Variants in C11orf24 observed in about 807,000 individuals in gnomAD.
The protein encoded by C11orf24 is uncharacterized protein C11orf24.
Under a neutral mutation model 7.3 loss-of-function variants are expected in C11orf24, and 5 were observed. That is an observed-to-expected ratio of 0.69 (90% CI 0.36 to 1.45). C11orf24 has a LOEUF of 1.45. C11orf24 is among the 40% of genes most tolerant of loss of function. C11orf24 has a pLI of 0.03. For synonymous variants in C11orf24, 233 were observed against 235.7 expected, an observed-to-expected ratio of 0.99 and a Z score of 0.11; for missense variants, 566 against 590.5, an observed-to-expected ratio of 0.96 and a Z score of 0.43.
chr11:68,266,160 G>C (rs1304293712), intron 2 of C11orf24, among the ~76,000 whole-genome samples: 1 of 152,230 alleles, frequency 6.6e-6, no homozygotes, highest in Non-Finnish European at 1.5e-5. Flanking sequence ...CACTAACCAA[G>C]TGACATGTGC....
At chr11:68,269,679 G>A (rs2098566930) in intron 1 of C11orf24, among the ~76,000 whole-genome samples, 2 of 151,842 alleles carry the variant, frequency 1.3e-5, no homozygotes, top group East Asian at 1.9e-4. Flanking sequence ...CAAAGGTGAG[G>A]GCACACACAC....
chr11:68,261,859 C>T lies in C11orf24; in HGVS notation c.1136G>A (p.Ser379Asn). The part of the protein sequence containing the change: ...KMPATDSCQP[S>N]TQGQYMVVTT... Reference sequence around the variant, plus strand: ...GACCACCATGTACTGGCCTTGGGTGCTGGGCTGGCACGAGTCCGTGGCTGG... The same window carrying T: ...GACCACCATGTACTGGCCTTGGGTGTTGGGCTGGCACGAGTCCGTGGCTGG... The change falls in exon 4 of 4, where the codon AGC (serine) becomes AAC (asparagine). Residue 379 changes from serine (S) to asparagine (N), a missense_variant. Physicochemically the swap from Ser to Asn is conservative, Grantham distance 46. Coordinates refer to ENST00000304271, the MANE Select transcript of C11orf24 (RefSeq NM_022338.4). 6.2e-7 allele frequency: 1 copy of T among 1,614,134 alleles called. No homozygotes were observed. Among genetic ancestry groups the T allele is most frequent in the Non-Finnish European group, 8.5e-7 (1 of 1,180,048 alleles).
At position 68,269,286 on chromosome 11, in the gene C11orf24, G is replaced by A. The variant is rs75139359; in HGVS notation, c.-297-1035C>T. Among the ~76,000 whole-genome samples, 56 of 152,248 alleles carry A rather than the reference G, an allele frequency of 3.7e-4. No individual in the cohort carries two copies. In the East Asian group the frequency reaches 6.7e-3, roughly 18 times the overall value. ...TTTCCATAATTTAGAGAGACTACAC[G>A]ATCTATATATCAGGAGAGACATTTT... On this transcript the variant is annotated intron_variant, in intron 1 of 3. Transcript: ENST00000304271.
In C11orf24 at chr11:68,262,373, C is replaced by A. The variant is rs1217246828; in HGVS notation, c.622G>T (p.Ala208Ser). 1.2e-6 allele frequency: 2 copies of A among 1,614,148 alleles called. No homozygotes were observed. Among genetic ancestry groups the A allele is most frequent in the African/African-American group, 1.3e-5 (1 of 75,020 alleles). The stretch of plus-strand genomic sequence containing the variant: ...GTCTGAGCACGTGTGGCCAATGTGG[C>A]CAGGGTTGCTGTTCTTGGCAACGCG... The part of the protein sequence containing the change: ...SSALPRTATL[A>S]TLATRAQTVA... The change falls in exon 4 of 4, where the codon GCC becomes TCC. Residue 208 changes from alanine (A) to serine (S), a missense_variant. Physicochemically the swap from Ala to Ser is moderately conservative, Grantham distance 99. Coordinates refer to ENST00000304271, the MANE Select transcript of C11orf24 (RefSeq NM_022338.4).
intron 1 of C11orf24, among the ~76,000 whole-genome samples, chr11:68,269,413 G>C (rs999572410): frequency 6.6e-6 from 1 of 152,174 alleles, no homozygotes; most frequent in Non-Finnish European, 1.5e-5. Context: ...TATTTAACGC[G>C]TACTCAGGAG....
intron 2 of C11orf24, among the ~76,000 whole-genome samples, chr11:68,266,617 C>CG (rs941880065): frequency 5.9e-5 from 9 of 151,604 alleles, no homozygotes; most frequent in African/African-American, 2.2e-4. Flanking sequence ...AAAAGTGTGG[C>CG]GGGGGGGATG....
rs756164298 is a variant in C11orf24 at position 68,262,271 on chromosome 11, C to T, written c.724G>A (p.Ala242Thr). ...SPSKHMPSDT[A>T]ASPVPPMRPQ... ...CGCATAGGGGGTACAGGGCTTGCCG[C>T]GGTGTCACTGGGCATGTGCTTGGAA... is the stretch of plus-strand genomic sequence containing the variant. The change falls in exon 4 of 4, where the codon GCG becomes ACG. Residue 242 changes from alanine (A) to threonine (T), a missense_variant. Physicochemically the swap from Ala to Thr is moderately conservative, Grantham distance 58 (BLOSUM62 0). Transcript: ENST00000304271. 1.9e-5 allele frequency: 30 copies of T among 1,613,030 alleles called. No homozygotes were observed. In the East Asian group the frequency reaches 2.5e-4, roughly 13 times the overall value.
At position 68,268,184 on chromosome 11, in the gene C11orf24, C is replaced by T. The variant is rs543315756; in HGVS notation, c.-230G>A. The T allele has an allele frequency of 3.0e-4, 45 of 152,444 alleles. No homozygotes were observed. The highest frequency in any genetic ancestry group is 5.0e-4 in the Non-Finnish European group (34 of 68,100). 9.4% of individuals were successfully genotyped at this position (152,444 alleles called of 1,614,324 possible). Reference sequence around the variant, plus strand: ...TGAAAGCCACGTGGTGGGGCACTCCCGGGCCATGCCATCCTTTGTGGCACA... The same window carrying T: ...TGAAAGCCACGTGGTGGGGCACTCCTGGGCCATGCCATCCTTTGTGGCACA... On this transcript the variant is annotated 5_prime_UTR_variant, in exon 2 of 4. Transcript: ENST00000304271.
chr11:68,261,952 T>G lies in C11orf24; in HGVS notation c.1043A>C (p.Glu348Ala). 1 of 1,613,964 alleles carries G rather than the reference T, an allele frequency of 6.2e-7. No individual in the cohort carries two copies. Among genetic ancestry groups the G allele is most frequent in the Non-Finnish European group, 8.5e-7 (1 of 1,180,032 alleles). The change falls in exon 4 of 4, where the codon GAG becomes GCG. Residue 348 changes from glutamate (E) to alanine (A), a missense_variant. Coordinates refer to ENST00000304271, the MANE Select transcript of C11orf24 (RefSeq NM_022338.4). Reference protein sequence around the residue: ...PGTSQAPEQVETEATPGTDST... With the variant: ...PGTSQAPEQVATEATPGTDST... ...ATCAGTACCTGGTGTGGCTTCAGTC[T>G]CTACCTGCTCCGGTGCCTGGGATGT...
rs143108083 is a variant in C11orf24 at position 68,262,040 on chromosome 11, C to A, written c.955G>T (p.Ala319Ser). Reference protein sequence around the residue: ...PHTSPIPEMEAMSPTTQPSPM... With the variant: ...PHTSPIPEMESMSPTTQPSPM... ...CTTGGCTGTGTCGTGGGGGACATGG[C>A]CTCCATCTCAGGGATTGGGCTGGTG... Residue 319 changes from alanine (A) to serine (S), a missense_variant, in exon 4 of 4, where the codon GCC (alanine) becomes TCC (serine). Ala to Ser is a moderately conservative substitution (Grantham distance 99). Transcript: ENST00000304271. The A allele has an allele frequency of 1.9e-6, 3 of 1,614,008 alleles. No homozygotes were observed. The highest frequency in any genetic ancestry group is 2.5e-6 in the Non-Finnish European group (3 of 1,180,020).
Position 68,262,850 on chromosome 11 carries a change from T to A in C11orf24, c.145A>T (p.Asn49Tyr). 1 of 1,614,170 alleles carries A rather than the reference T, an allele frequency of 6.2e-7. No individual in the cohort carries two copies. Among genetic ancestry groups the A allele is most frequent in the Non-Finnish European group, 8.5e-7 (1 of 1,180,040 alleles). ...ATGGTTACATCCTCAGACGTTTTAT[T>A]ATCAACTGTTTCCACAGATGCATTC... is the stretch of plus-strand genomic sequence containing the variant. ...KRNASVETVD[N>Y]KTSEDVTMAA... Residue 49 changes from asparagine (N) to tyrosine (Y), a missense_variant, in exon 4 of 4, where the codon AAT becomes TAT. Physicochemically the swap from Asn to Tyr is moderately radical, Grantham distance 143 (BLOSUM62 -2). Coordinates refer to ENST00000304271, the MANE Select transcript of C11orf24 (RefSeq NM_022338.4).
In C11orf24 at chr11:68,261,669, C is replaced by T. The variant is rs751802800; in HGVS notation, c.1326G>A (p.Gly442=). Residue 442 remains glycine (G), a synonymous_variant, in exon 4 of 4, where the codon GGG becomes GGA. Transcript: ENST00000304271. ...DYTQVDYLIN[G]MYADSEM ...CTCACATTTCTGAGTCCGCATACAT[C>T]CCGTTGATTAAGTAGTCCACCTGGG... The T allele has an allele frequency of 6.2e-7, 1 of 1,611,180 alleles. No individual in the cohort carries two copies. Among genetic ancestry groups the T allele is most frequent in the Admixed American group, 1.7e-5 (1 of 59,988 alleles).
chr11:68,268,656 C>T (rs918309065), intron 1 of C11orf24, among the ~76,000 whole-genome samples: 7 of 152,172 alleles, frequency 4.6e-5, no homozygotes, highest in Non-Finnish European at 1.0e-4. Flanking sequence ...TGAGCCACTG[C>T]ACTCTAGCCT....
chr11:68,267,939 G>A (rs1227338903), intron 2 of C11orf24, 115 bp downstream of exon 2: 2 of 152,326 alleles, frequency 1.3e-5, no homozygotes, highest in Non-Finnish European at 2.9e-5. Flanking sequence ...GTTACTATAA[G>A]GCCTGGCTGT....
chr11:68,266,444 C>A (rs1440246514), intron 2 of C11orf24, among the ~76,000 whole-genome samples: 1 of 152,230 alleles, frequency 6.6e-6, no homozygotes, highest in Non-Finnish European at 1.5e-5. Flanking sequence ...CACGAGACTT[C>A]CGGTCTCTTT....
intron 2 of C11orf24, among the ~76,000 whole-genome samples, chr11:68,266,647 A>G (rs936309292): frequency 5.3e-5 from 8 of 152,128 alleles, no homozygotes; most frequent in Non-Finnish European, 1.0e-4. Flanking sequence ...GAAACTAACC[A>G]ATATCATGCA....
Position 68,261,420 on chromosome 11 carries a change from AC to A in C11orf24, c.*224del. Reference sequence around the variant, plus strand: ...CCTGCCCGCCCCACCCTGAGGTGGAACCCCCAGCTGCTCCTGGGCACAGAAT... The same window carrying A: ...CCTGCCCGCCCCACCCTGAGGTGGAACCCCAGCTGCTCCTGGGCACAGAAT... On this transcript the variant is annotated 3_prime_UTR_variant, in exon 4 of 4. Transcript: ENST00000304271. The A allele has an allele frequency of 1.9e-6, 1 of 513,658 alleles. No individual in the cohort carries two copies. Among genetic ancestry groups the A allele is most frequent in the South Asian group, 2.6e-5 (1 of 38,790 alleles). The allele number at this position is 513,658 out of a possible 1,614,324, so 31.8% of individuals were successfully genotyped here. A position where few individuals can be genotyped will look rare whatever the true frequency, so the allele number is the denominator to read the frequency against.
chr11:68,265,223 T>C (rs1170199359), intron 2 of C11orf24, among the ~76,000 whole-genome samples: 1 of 152,160 alleles, frequency 6.6e-6, no homozygotes, highest in East Asian at 1.9e-4. Flanking sequence ...ATGAGCCATG[T>C]GGCAGTTTAG....
chr11:68,270,325 C>T (rs2098567271), intron 1 of C11orf24, among the ~76,000 whole-genome samples: 1 of 152,150 alleles, frequency 6.6e-6, no homozygotes, highest in Admixed American at 6.5e-5. Context: ...AAGGCACCCC[C>T]AACTATGCCC....
Sources: allele counts gnomAD v4.1 joint callset (sites outside exome capture counted in the v4.1 genomes callset), GRCh38; gene constraint gnomAD v4.1.1; transcripts MANE v1.5; gene names NCBI Gene and HGNC (gene_info 2026-07-23, HGNC 2026-07-21).